UNC13C: variants seen among roughly 807,000 people sequenced by gnomAD.
UNC13C encodes the protein unc-13 homolog C.
UNC13C carries 174 observed loss-of-function variants against 245.4 expected under a neutral mutation model. The observed-to-expected ratio is 0.71, with a 90% CI of 0.63 to 0.80. The LOEUF (loss-of-function observed/expected upper bound fraction) is 0.80, where lower values mean the gene tolerates loss of function less well. UNC13C is among the 30% of genes least tolerant of loss of function. The pLI is 0.00. For synonymous variants in UNC13C, 992 were observed against 895.1 expected (o/e 1.11, Z -1.93); for missense variants, 2,829 against 2,602.9 (o/e 1.09, Z -1.89).
intron 18 of UNC13C, among the ~76,000 whole-genome samples, chr15:54,396,495 G>A (rs35543750): frequency 0.14 from 20,469 of 151,392 alleles, 1,681 homozygotes; most frequent in Middle Eastern, 0.22. Flanking sequence ...TCCATTGTAC[G>A]TATATACCAC....
At chr15:54,212,082 C>A (rs1315071847) in intron 4 of UNC13C, among the ~76,000 whole-genome samples, 1 of 152,064 alleles carries the variant, frequency 6.6e-6, no homozygotes, top group Non-Finnish European at 1.5e-5. Flanking sequence ...ATTTTGGGAC[C>A]AGCACTTGCT....
At chr15:54,321,185 G>T in intron 13 of UNC13C, 1 of 509,168 alleles carries the variant, frequency 2.0e-6, no homozygotes, top group Non-Finnish European at 3.9e-6. Flanking sequence ...ACAGTAAGGT[G>T]TTTCTGAATG....
intron 2 of UNC13C, among the ~76,000 whole-genome samples, chr15:54,142,065 G>C (rs1204950656): frequency 1.3e-5 from 2 of 152,152 alleles, no homozygotes; most frequent in Non-Finnish European, 2.9e-5. Flanking sequence ...CCATAGAGAA[G>C]TTTCTCCAGT....
intron 2 of UNC13C, among the ~76,000 whole-genome samples, chr15:54,066,899 A>G (rs989829749): frequency 5.3e-5 from 8 of 152,118 alleles, no homozygotes; most frequent in Non-Finnish European, 1.5e-5. Context: ...GATTCCAGGG[A>G]TCAGTGCTGA....
rs1396706294 is a variant in UNC13C, at chr15:54,100,736, A to ATTAACATTATTTCAAAACCTTTC, written c.2984-42279_2984-42257dup. On this transcript the variant is annotated intron_variant, in intron 2 of 32. Coordinates refer to ENST00000260323, the MANE Select transcript of UNC13C (RefSeq NM_001080534.3). ...AACCAAAAAATTCATTAGCAATCCAATTAACATTATTTCAAAACCTTTCTT... is the reference window on the plus strand; with the variant it reads ...AACCAAAAAATTCATTAGCAATCCAATTAACATTATTTCAAAACCTTTCTTAACATTATTTCAAAACCTTTCTT... 2.3e-3 allele frequency among the ~76,000 whole-genome samples: 350 copies of ATTAACATTATTTCAAAACCTTTC among 152,144 alleles called. 2 individuals carry two copies. Among genetic ancestry groups the ATTAACATTATTTCAAAACCTTTC allele is most frequent in the Non-Finnish European group, 3.7e-3 (249 of 68,006 alleles).
intron 2 of UNC13C, among the ~76,000 whole-genome samples, chr15:54,056,092 G>A (rs1195343334): frequency 1.3e-5 from 2 of 152,112 alleles, no homozygotes; most frequent in African/African-American, 2.4e-5. Context: ...CACCAGCAAC[G>A]GAACAAAGCT....
At chr15:54,332,905 CCA>C (rs1567194081) in intron 15 of UNC13C, among the ~76,000 whole-genome samples, 7 of 151,778 alleles carry the variant, frequency 4.6e-5, no homozygotes, top group African/African-American at 1.7e-4. Flanking sequence ...AGTTATAATA[CCA>C]AATTTAATTT....
intron 2 of UNC13C, among the ~76,000 whole-genome samples, chr15:54,096,663 C>G (rs1478135739): frequency 6.6e-6 from 1 of 152,148 alleles, no homozygotes; most frequent in African/African-American, 2.4e-5. Flanking sequence ...AACTTTCTTA[C>G]CATTGCCTGA....
intron 18 of UNC13C, among the ~76,000 whole-genome samples, chr15:54,406,591 C>T (rs1278902347): frequency 6.6e-6 from 1 of 152,084 alleles, no homozygotes; most frequent in South Asian, 2.1e-4. Flanking sequence ...ATGTTATTCC[C>T]CTTATTTTCA....
At chr15:54,482,903 T>G (rs1226244874) in intron 19 of UNC13C, among the ~76,000 whole-genome samples, 1 of 152,224 alleles carries the variant, frequency 6.6e-6, no homozygotes, top group East Asian at 1.9e-4. Flanking sequence ...AAATGAGAAT[T>G]TCTTATCCTC....
At chr15:54,116,510 T>C (rs981470865) in intron 2 of UNC13C, among the ~76,000 whole-genome samples, 1 of 152,192 alleles carries the variant, frequency 6.6e-6, no homozygotes, top group Non-Finnish European at 1.5e-5. Flanking sequence ...CTCTCATAGA[T>C]GAGTGAGAAC....
At chr15:54,278,670 T>C (rs1210925682) in intron 10 of UNC13C, among the ~76,000 whole-genome samples, 2 of 152,186 alleles carry the variant, frequency 1.3e-5, no homozygotes, top group Non-Finnish European at 2.9e-5. Context: ...ATGTAATATC[T>C]TTCTTATACT....
rs111795034 is a variant in UNC13C at position 54,359,594 on chromosome 15, A to G, written c.4713+21105A>G. On this transcript the variant is annotated intron_variant, in intron 17 of 32. Transcript: ENST00000260323. ...AGGCTGTATGTGTTCAGGAATTTAT[A>G]CATTTCTTATAGATTTTTCCACTTG... Among the ~76,000 whole-genome samples the G allele has an allele frequency of 2.0e-5, 3 of 151,808 alleles. No individual in the cohort carries two copies. In the East Asian group the frequency reaches 5.8e-4, roughly 29 times the overall value.
At chr15:54,502,555 C>T (rs1894272286) in intron 22 of UNC13C, among the ~76,000 whole-genome samples, 1 of 152,006 alleles carries the variant, frequency 6.6e-6, no homozygotes, top group South Asian at 2.1e-4. Context: ...GAGCATAATT[C>T]TAAAAATTCT....
intron 17 of UNC13C, among the ~76,000 whole-genome samples, chr15:54,363,748 C>A (rs1430516186): frequency 6.6e-6 from 1 of 152,110 alleles, no homozygotes; most frequent in Non-Finnish European, 1.5e-5. Context: ...GTTAAATTTC[C>A]TGATTTTCTC....
intron 17 of UNC13C, among the ~76,000 whole-genome samples, chr15:54,361,965 G>A (rs1304921156): frequency 6.6e-6 from 1 of 152,074 alleles, no homozygotes; most frequent in Non-Finnish European, 1.5e-5. Flanking sequence ...CAACATTTTA[G>A]TTATTTCTAG....
At chr15:54,135,272 T>G (rs2031671638) in intron 2 of UNC13C, among the ~76,000 whole-genome samples, 1 of 152,226 alleles carries the variant, frequency 6.6e-6, no homozygotes, top group African/African-American at 2.4e-5. Context: ...TTTTGCCGAT[T>G]GTTTCCTTTG....
intron 2 of UNC13C, among the ~76,000 whole-genome samples, chr15:54,113,940 T>A (rs963119761): frequency 1.3e-5 from 2 of 152,196 alleles, no homozygotes; most frequent in African/African-American, 4.8e-5. Flanking sequence ...ATAAAGGTTA[T>A]CTTTAGCTTG....
intron 1 of UNC13C, among the ~76,000 whole-genome samples, chr15:53,992,746 G>A (rs927712008): frequency 1.3e-5 from 2 of 152,086 alleles, no homozygotes; most frequent in Non-Finnish European, 2.9e-5. Context: ...CAAGAGGGAA[G>A]AATCTATATG....
Sources: allele counts gnomAD v4.1 joint callset (sites outside exome capture counted in the v4.1 genomes callset), GRCh38; gene constraint gnomAD v4.1.1; transcripts MANE v1.5; gene names NCBI Gene and HGNC (gene_info 2026-07-23, HGNC 2026-07-21).